The following ANKRD54 variants were observed in gnomAD, a reference collection of about 807,000 sequenced individuals.
ANKRD54 encodes ankyrin repeat domain-containing protein 54.
A neutral mutation model predicts 36.2 loss-of-function variants in ANKRD54; 26 were observed. The observed-to-expected ratio is 0.72, with a 90% CI of 0.53 to 1.00. ANKRD54 has a LOEUF of 1.00. Among genes scored for constraint, ANKRD54 ranks in the 50% least tolerant of loss-of-function variants. The pLI is 0.00. For missense variants in ANKRD54, 384 were observed against 424.3 expected (o/e 0.91, Z 0.83); for synonymous variants, 209 against 188.4 (o/e 1.11, Z -0.89).
At chr22:37,839,263 A>G (rs1923923323) in intron 2 of ANKRD54, among the ~76,000 whole-genome samples, 1 of 152,190 alleles carries the variant, frequency 6.6e-6, no homozygotes, top group Non-Finnish European at 1.5e-5. Context: ...AGAAAATTCC[A>G]GTGTATAGGA....
At chr22:37,846,922 C>G (rs567639956), upstream of ANKRD54, among the ~76,000 whole-genome samples, 2 of 145,622 alleles carry the variant, frequency 1.4e-5, no homozygotes, top group East Asian at 4.1e-4. Flanking sequence ...GGCAGGATCT[C>G]GGCTCACTGC....
At position 37,831,871 on chromosome 22, in the gene ANKRD54, G is replaced by A; in HGVS notation, c.*72C>T. ...GTGCAGCTCCAAGTCCCAGATGTTG[G>A]GCTTTTTCTTGGTACTGAGACAGCA... On this transcript the variant is annotated 3_prime_UTR_variant, in exon 8 of 8. Coordinates refer to ENST00000215941, the MANE Select transcript of ANKRD54 (RefSeq NM_138797.4). The A allele has an allele frequency of 6.6e-7, 1 of 1,522,452 alleles. No individual in the cohort carries two copies. 94.3% of individuals were successfully genotyped at this position (1,522,452 alleles called of 1,614,324 possible).
chr22:37,842,269 AAGAC>A (rs1924370978), intron 1 of ANKRD54, among the ~76,000 whole-genome samples: 1 of 152,216 alleles, frequency 6.6e-6, no homozygotes, highest in Non-Finnish European at 1.5e-5. Context: ...AAAGAAAAGA[AAGAC>A]AGTGCCCTGG....
chr22:37,841,516 ACT>A (rs573795316), intron 1 of ANKRD54, among the ~76,000 whole-genome samples: 14 of 149,344 alleles, frequency 9.4e-5, no homozygotes, highest in Non-Finnish European at 1.8e-4. Flanking sequence ...ACAGAGTGAG[ACT>A]CTGTCTCACA....
Position 37,843,993 on chromosome 22 carries a change from C to A in ANKRD54, c.246G>T (p.Leu82=). The A allele has an allele frequency of 7.0e-7, 1 of 1,424,678 alleles. No individual in the cohort carries two copies. Among genetic ancestry groups the A allele is most frequent in the Non-Finnish European group, 9.1e-7 (1 of 1,093,872 alleles). 88.3% of individuals were successfully genotyped at this position (1,424,678 alleles called of 1,614,324 possible). The change falls in exon 1 of 8, where the codon CTG becomes CTT. Residue 82 remains leucine, a synonymous_variant. Transcript: ENST00000215941. ...GCCGGCCAGCGGGTATCTTGCAGCG[C>A]AGCTCGTCGCGCGGCTCCGCATCCT... is the stretch of plus-strand genomic sequence containing the variant. ...WQQDAEPRDE[L]RCKIPAGRLR...
At chr22:37,832,506 G>T (rs1478204478) in intron 7 of ANKRD54, 131 bp downstream of exon 7, 2 of 753,382 alleles carry the variant, frequency 2.7e-6, no homozygotes, top group Non-Finnish European at 2.2e-6. Context: ...GGGATTACAG[G>T]TGTGAGCCCC....
At chr22:37,845,159 C>T (rs373783766), upstream of ANKRD54, among the ~76,000 whole-genome samples, 1 of 152,054 alleles carries the variant, frequency 6.6e-6, no homozygotes, top group East Asian at 1.9e-4. Context: ...AGTCAGAGTT[C>T]TCTAGGTAAC....
upstream of ANKRD54, among the ~76,000 whole-genome samples, chr22:37,845,827 C>T (rs1924806700): frequency 6.6e-6 from 1 of 151,810 alleles, no homozygotes; most frequent in Non-Finnish European, 1.5e-5. Context: ...TGAGATCGCA[C>T]CATGGCACTC....
Position 37,844,234 on chromosome 22 carries a change from G to T in ANKRD54, c.5C>A (p.Ala2Glu). Reference sequence around the variant, plus strand: ...GTCGTCCGCGTCCCCGGCGGCGGCTGCCATGGCAACGGCTCCGCGCGGGCC... The same window carrying T: ...GTCGTCCGCGTCCCCGGCGGCGGCTTCCATGGCAACGGCTCCGCGCGGGCC... M[A>E]AAAGDADDEP... The change falls in exon 1 of 8, where the codon GCA becomes GAA. Residue 2 changes from alanine (A) to glutamate (E), a missense_variant. By Grantham distance (107) the Ala-to-Glu change is moderately radical. Transcript: ENST00000215941. 6.5e-7 allele frequency: 1 copy of T among 1,546,258 alleles called. No homozygotes were observed. Among genetic ancestry groups the T allele is most frequent in the Non-Finnish European group, 8.6e-7 (1 of 1,156,326 alleles).
At chr22:37,841,531 AACACACACACAC>A (rs754859182) in intron 1 of ANKRD54, among the ~76,000 whole-genome samples, 1 of 140,978 alleles carries the variant, frequency 7.1e-6, no homozygotes, top group African/African-American at 2.8e-5. Context: ...GTCTCACACA[AACACACACACAC>A]ACACACACAC....
At chr22:37,846,425 C>T (rs1371335196), upstream of ANKRD54, among the ~76,000 whole-genome samples, 1 of 152,102 alleles carries the variant, frequency 6.6e-6, no homozygotes, top group Admixed American at 6.5e-5. Flanking sequence ...ACCTCAGCCT[C>T]CTGAGTAGCT....
chr22:37,841,926 T>C (rs1924329429), intron 1 of ANKRD54, among the ~76,000 whole-genome samples: 1 of 151,372 alleles, frequency 6.6e-6, no homozygotes, highest in Non-Finnish European at 1.5e-5. Flanking sequence ...TAGCCGGGTG[T>C]GGTGGTGCAT....
intron 2 of ANKRD54, among the ~76,000 whole-genome samples, chr22:37,839,084 A>G (rs918532118): frequency 1.3e-5 from 2 of 152,166 alleles, no homozygotes; most frequent in African/African-American, 4.8e-5. Context: ...CATATTGGTC[A>G]GGCTGGTCTC....
At chr22:37,844,432 G>A, upstream of ANKRD54, 1 of 550,828 alleles carries the variant, frequency 1.8e-6, no homozygotes, top group Non-Finnish European at 3.1e-6. Context: ...AGCTTAAACC[G>A]GTCCCAAAAC....
chr22:37,848,645 C>T (rs1924976081), upstream of ANKRD54: 1 of 152,174 alleles, frequency 6.6e-6, no homozygotes, highest in Admixed American at 6.5e-5. Context: ...ATCCACCCGC[C>T]TCGGCCTCCC....
chr22:37,846,790 CA>C (rs1323739449), upstream of ANKRD54, among the ~76,000 whole-genome samples: 1 of 152,094 alleles, frequency 6.6e-6, no homozygotes, highest in African/African-American at 2.4e-5. Context: ...GAATTGTTGT[CA>C]AATTGGAGCA....
chr22:37,831,692 G>C lies in ANKRD54; in HGVS notation c.*251C>G. On this transcript the variant is annotated 3_prime_UTR_variant, in exon 8 of 8. Coordinates refer to ENST00000215941, the MANE Select transcript of ANKRD54 (RefSeq NM_138797.4). ...AGCTGAAGTGCAGCTGCAGAGGCTG[G>C]TCTGGTGCTGCGAGAACTGGAAGAA... is the stretch of plus-strand genomic sequence containing the variant. 1 of 553,242 alleles carries C rather than the reference G, an allele frequency of 1.8e-6. No homozygotes were observed. The allele number at this position is 553,242 out of a possible 1,614,324, so 34.3% of individuals were successfully genotyped here.
intron 4 of ANKRD54, 48 bp downstream of exon 4, chr22:37,833,636 C>T: frequency 6.2e-7 from 1 of 1,604,448 alleles, no homozygotes; most frequent in Non-Finnish European, 8.5e-7. Flanking sequence ...TCTAAAGAGC[C>T]TTTCTTTGCT....
At chr22:37,849,121 G>A, upstream of ANKRD54, 1 of 450,438 alleles carries the variant, frequency 2.2e-6, no homozygotes, top group Non-Finnish European at 3.9e-6. Flanking sequence ...CGAGTAGCTG[G>A]AATTACAGGC....
Sources: gnomAD v4.1 joint callset for allele counts (sites outside exome capture counted in the v4.1 genomes callset) on GRCh38, gnomAD v4.1.1 for gene constraint, MANE v1.5 for transcripts, NCBI Gene and HGNC (gene_info 2026-07-23, HGNC 2026-07-21) for gene names.